Variants in AFF2 observed in about 807,000 individuals in gnomAD.
AFF2 encodes AF4/FMR2 family member 2.
A neutral mutation model predicts 76.9 loss-of-function variants in AFF2; 14 were observed. That is an observed-to-expected ratio of 0.18 (90% confidence interval 0.12 to 0.28). AFF2 has a LOEUF of 0.28. Among genes scored for constraint, AFF2 ranks in the 10% least tolerant of loss-of-function variants. The probability of loss-of-function intolerance (pLI) is 1.00; values close to 1 mark genes in which losing one functional copy is unlikely to be tolerated. For synonymous variants in AFF2, 398 were observed against 366.7 expected, an observed-to-expected ratio of 1.09 and a Z score of -0.98; for missense variants, 868 against 1,001.1, an observed-to-expected ratio of 0.87 and a Z score of 1.79.
intron 3 of AFF2, among the ~76,000 whole-genome samples, chrX:148,784,018 C>G (rs2124615018): frequency 8.9e-6 from 1 of 111,898 alleles, no homozygotes; most frequent in East Asian, 2.8e-4. Context: ...GAGCAAATGC[C>G]CCACAGCCCA....
intron 1 of AFF2, among the ~76,000 whole-genome samples, chrX:148,545,018 T>C (rs2052903581): frequency 8.9e-6 from 1 of 112,656 alleles, no homozygotes; most frequent in Non-Finnish European, 1.9e-5. Context: ...CTTCTATTTA[T>C]GCATTATTCA....
intron 1 of AFF2, among the ~76,000 whole-genome samples, chrX:148,577,577 G>A (rs2124338639): frequency 8.9e-6 from 1 of 111,882 alleles, no homozygotes; most frequent in South Asian, 3.7e-4. Flanking sequence ...ATAAAGGGAA[G>A]CAAAGATTTC....
intron 3 of AFF2, among the ~76,000 whole-genome samples, chrX:148,719,648 C>T (rs1268993161): frequency 4.5e-5 from 5 of 111,759 alleles, no homozygotes; most frequent in African/African-American, 6.5e-5. Context: ...ACTAAGTGGT[C>T]GTGGGGATCA....
intron 9 of AFF2, among the ~76,000 whole-genome samples, chrX:148,934,947 G>C (rs1300943682): frequency 3.6e-5 from 4 of 111,572 alleles, no homozygotes; most frequent in African/African-American, 1.3e-4. Flanking sequence ...TTTAGGACTA[G>C]CTCTTCAATG....
In AFF2 at chrX:148,996,654, G is replaced by T. The variant is rs1380122689; in HGVS notation, c.*5322G>T. The T allele has an allele frequency of 8.9e-6, 1 of 111,996 alleles. No individual in the cohort carries two copies. Among genetic ancestry groups the T allele is most frequent in the Non-Finnish European group, 1.9e-5 (1 of 53,229 alleles). 9.2% of individuals were successfully genotyped at this position (111,996 alleles called of 1,213,427 possible). On this transcript the variant is annotated 3_prime_UTR_variant, in exon 21 of 21. Coordinates refer to ENST00000370460, the MANE Select transcript of AFF2 (RefSeq NM_002025.4). Reference sequence around the variant, plus strand: ...ATGAATCAATGTGTGAATGTAGAAAGCTTATGATAAGGCCCTAGAGGTATG... The same window carrying T: ...ATGAATCAATGTGTGAATGTAGAAATCTTATGATAAGGCCCTAGAGGTATG...
chrX:148,989,839 A>T (rs1051142007), intron 20 of AFF2, among the ~76,000 whole-genome samples: 25 of 112,145 alleles, frequency 2.2e-4, no homozygotes, highest in African/African-American at 8.1e-4. Flanking sequence ...AAATGAGCCA[A>T]TGGCACTTAT....
chrX:148,757,816 T>C (rs1037125619), intron 3 of AFF2, among the ~76,000 whole-genome samples: 1 of 112,090 alleles, frequency 8.9e-6, no homozygotes. Flanking sequence ...TGCTTTATAA[T>C]TATTCAAAAA....
intron 3 of AFF2, among the ~76,000 whole-genome samples, chrX:148,768,287 G>A (rs1196630872): frequency 9.2e-6 from 1 of 109,025 alleles, no homozygotes; most frequent in African/African-American, 3.3e-5. Context: ...CATCTATCAC[G>A]CTGTAATATA....
chrX:148,700,263 G>A (rs2054769972), intron 3 of AFF2, among the ~76,000 whole-genome samples: 1 of 111,341 alleles, frequency 9.0e-6, no homozygotes, highest in African/African-American at 3.3e-5. Flanking sequence ...GTTCAAACCA[G>A]CCTTCCCTGC....
At chrX:148,645,694 C>CT (rs1458364919) in intron 1 of AFF2, among the ~76,000 whole-genome samples, 1 of 112,139 alleles carries the variant, frequency 8.9e-6, no homozygotes. Context: ...AAGCCACACA[C>CT]TTTTTTTCAA....
chrX:148,826,130 C>A (rs2070385025), intron 4 of AFF2, among the ~76,000 whole-genome samples: 1 of 105,111 alleles, frequency 9.5e-6, no homozygotes, highest in African/African-American at 3.5e-5. Context: ...TCTGGTTACC[C>A]AAAAAGATGT....
intron 3 of AFF2, among the ~76,000 whole-genome samples, chrX:148,739,011 T>C (rs1417601018): frequency 8.9e-6 from 1 of 112,137 alleles, no homozygotes; most frequent in African/African-American, 3.2e-5. Flanking sequence ...TTTTCTTAAA[T>C]GTATTGAGGC....
chrX:148,967,465 A>G (rs2072194507), intron 14 of AFF2, among the ~76,000 whole-genome samples, 164 bp from the exon 15 acceptor site: 1 of 112,393 alleles, frequency 8.9e-6, no homozygotes, highest in Non-Finnish European at 1.9e-5. Flanking sequence ...GATTTCATTT[A>G]CAGTATTATT....
intron 1 of AFF2, among the ~76,000 whole-genome samples, chrX:148,649,245 A>G (rs1376028580): frequency 8.9e-6 from 1 of 112,195 alleles, no homozygotes; most frequent in East Asian, 2.8e-4. Flanking sequence ...TGCAGTAGGT[A>G]TAACAAGAGG....
chrX:148,969,470 G>C (rs1459696230), intron 15 of AFF2, among the ~76,000 whole-genome samples: 6 of 112,257 alleles, frequency 5.3e-5, no homozygotes, highest in African/African-American at 1.6e-4. Context: ...ATCCTCAGAT[G>C]CTCAAGTCTC....
chrX:148,622,966 CA>C (rs782749547), intron 1 of AFF2, among the ~76,000 whole-genome samples: 69 of 112,025 alleles, frequency 6.2e-4, no homozygotes, highest in African/African-American at 2.1e-3. Context: ...TATGTGTTTG[CA>C]TCCTGGCAAG....
chrX:148,559,666 C>G (rs1473077482), intron 1 of AFF2, among the ~76,000 whole-genome samples: 1 of 111,686 alleles, frequency 9.0e-6, no homozygotes, highest in Non-Finnish European at 1.9e-5. Context: ...TTTCTTTATC[C>G]AGTCTATCAT....
chrX:148,900,255 C>A (rs1161856567), intron 8 of AFF2, among the ~76,000 whole-genome samples: 1 of 111,162 alleles, frequency 9.0e-6, no homozygotes, highest in African/African-American at 3.3e-5. Context: ...TTCCTTCTTT[C>A]TTTCTACCTA....
In AFF2 at chrX:148,929,772, C is replaced by G. The variant is rs1426758761; in HGVS notation, c.1398-23808C>G. 2.7e-5 allele frequency among the ~76,000 whole-genome samples: 3 copies of G among 111,849 alleles called. No homozygotes were observed. In the East Asian group the frequency reaches 8.4e-4, roughly 31 times the overall value. On this transcript the variant is annotated intron_variant, in intron 9 of 20. Coordinates refer to ENST00000370460, the MANE Select transcript of AFF2 (RefSeq NM_002025.4). The stretch of plus-strand genomic sequence containing the variant: ...CCAAAGATGGGAGGAAACCCAGATT[C>G]AAGTTGTCCAGAGGAGTTCTGGAAG...
Sources: allele counts gnomAD v4.1 joint callset (sites outside exome capture counted in the v4.1 genomes callset), GRCh38; gene constraint gnomAD v4.1.1; transcripts MANE v1.5; gene names NCBI Gene and HGNC (gene_info 2026-07-23, HGNC 2026-07-21).